The following NEBL variants were observed in gnomAD, a reference collection of about 807,000 sequenced individuals.
NEBL encodes nebulette, also known as LIM and SH3 protein 2.
Under a neutral mutation model 140.2 loss-of-function variants are expected in NEBL, and 122 were observed. The ratio of observed to expected loss-of-function variants is 0.87; its 90% CI spans 0.75 to 1.01. The LOEUF is 1.01. NEBL is among the 50% of genes least tolerant of loss of function. The pLI is 0.00. For synonymous variants in NEBL, 436 were observed against 398.9 expected, an observed-to-expected ratio of 1.09 and a Z score of -1.11; for missense variants, 1,365 against 1,231.3, an observed-to-expected ratio of 1.11 and a Z score of -1.62.
intron 5 of NEBL, among the ~76,000 whole-genome samples, chr10:20,880,331 G>T (rs1345244398): frequency 1.3e-5 from 2 of 152,208 alleles, no homozygotes; most frequent in Non-Finnish European, 2.9e-5. Context: ...CTGCACTCCA[G>T]CCTGGGTGAC....
At chr10:21,008,814 A>T (rs1004685400) in intron 3 of NEBL, among the ~76,000 whole-genome samples, 4 of 152,128 alleles carry the variant, frequency 2.6e-5, no homozygotes, top group Non-Finnish European at 4.4e-5. Flanking sequence ...CAGTTTTCAG[A>T]CATCCACTAG....
At chr10:21,215,231 G>T (rs911950557) in intron 3 of NEBL, among the ~76,000 whole-genome samples, 1 of 152,156 alleles carries the variant, frequency 6.6e-6, no homozygotes, top group Non-Finnish European at 1.5e-5. Flanking sequence ...ATTTCTTGAG[G>T]CCAGGAGTTT....
At chr10:20,988,651 T>C (rs376436100) in intron 3 of NEBL, among the ~76,000 whole-genome samples, 5 of 152,318 alleles carry the variant, frequency 3.3e-5, no homozygotes, top group African/African-American at 1.2e-4. Context: ...CTGTGTCACC[T>C]AGATCCCTGT....
At chr10:20,926,217 T>C (rs952586886) in intron 4 of NEBL, among the ~76,000 whole-genome samples, 2 of 152,328 alleles carry the variant, frequency 1.3e-5, no homozygotes, top group Non-Finnish European at 2.9e-5. Flanking sequence ...ACAGGATTGC[T>C]GCAGATTCAT....
chr10:21,160,315 G>A (rs957252666), intron 2 of NEBL, among the ~76,000 whole-genome samples: 27 of 152,288 alleles, frequency 1.8e-4, no homozygotes, highest in Non-Finnish European at 3.2e-4. Flanking sequence ...CAGCCCTGCA[G>A]GTATATATGA....
rs74416827 is a variant in NEBL at position 21,019,398 on chromosome 10, C to A, written c.249+719G>T. Among the ~76,000 whole-genome samples, 187 of 152,328 alleles carry A rather than the reference C, an allele frequency of 1.2e-3. 1 individual carries two copies. Among genetic ancestry groups the A allele is most frequent in the Non-Finnish European group, 2.0e-3 (137 of 68,026 alleles). On this transcript the variant is annotated intron_variant, in intron 3 of 6. Transcript: ENST00000417816. ...CCTCCACCTTCCTTCTCCCCTCTTC[C>A]GTCCTTACTTCACCACTGACCAATG...
chr10:20,961,372 C>T (rs1269025340), intron 4 of NEBL, among the ~76,000 whole-genome samples: 1 of 152,084 alleles, frequency 6.6e-6, no homozygotes, highest in African/African-American at 2.4e-5. Flanking sequence ...ACAGTCAAAA[C>T]TTAACTTTCA....
intron 2 of NEBL, chr10:21,170,732 G>A (rs1841035006): frequency 6.6e-6 from 1 of 152,578 alleles, no homozygotes; most frequent in African/African-American, 2.4e-5. Context: ...TAAGCACTAA[G>A]GAGTAAGGAA....
At chr10:20,969,584 C>T (rs1215396993) in intron 3 of NEBL, among the ~76,000 whole-genome samples, 2 of 129,196 alleles carry the variant, frequency 1.5e-5, no homozygotes, top group Non-Finnish European at 3.1e-5. Context: ...CTCTCTCTGT[C>T]ACCCAGGTTG....
chr10:20,990,198 A>T (rs914881807), intron 3 of NEBL, among the ~76,000 whole-genome samples: 1 of 152,184 alleles, frequency 6.6e-6, no homozygotes, highest in Non-Finnish European at 1.5e-5. Context: ...TTTTTTCTAA[A>T]TAGCAGCCAA....
At chr10:20,954,631 C>T (rs1324482587) in intron 4 of NEBL, among the ~76,000 whole-genome samples, 1 of 152,200 alleles carries the variant, frequency 6.6e-6, no homozygotes, top group Non-Finnish European at 1.5e-5. Flanking sequence ...CCTGCAAGGC[C>T]AGAGTCCCCT....
At chr10:20,858,490 A>AT in intron 8 of NEBL, 146 bp from the exon 9 acceptor site, 2 of 694,662 alleles carry the variant, frequency 2.9e-6, no homozygotes, top group Non-Finnish European at 5.0e-6. Context: ...GATGGTGCTG[A>AT]TTTACTACTG....
At chr10:20,886,089 G>C (rs548978095) in intron 4 of NEBL, among the ~76,000 whole-genome samples, 1 of 152,132 alleles carries the variant, frequency 6.6e-6, no homozygotes, top group East Asian at 1.9e-4. Flanking sequence ...CCTAGGGGAC[G>C]GGTTCATATT....
rs1249641212 is a variant in NEBL, at chr10:20,783,161, T to A, written c.*2586A>T. On this transcript the variant is annotated 3_prime_UTR_variant, in exon 28 of 28. Coordinates refer to ENST00000377122, the MANE Select transcript of NEBL (RefSeq NM_006393.3). ...GGAAGCACGTGGAAAGTGGAAAAGT[T>A]GTTCAGGCATGTCATTTTTTTTTAA... 6.6e-6 allele frequency: 1 copy of A among 152,400 alleles called. No homozygotes were observed. Among genetic ancestry groups the A allele is most frequent in the Non-Finnish European group, 1.5e-5 (1 of 68,044 alleles). 9.4% of individuals were successfully genotyped at this position (152,400 alleles called of 1,614,324 possible).
At chr10:20,830,845 A>G (rs1213553436) in intron 16 of NEBL, among the ~76,000 whole-genome samples, 1 of 150,388 alleles carries the variant, frequency 6.6e-6, no homozygotes, top group Non-Finnish European at 1.5e-5. Flanking sequence ...TTGAGGCTGC[A>G]GCAAGCTATG....
intron 3 of NEBL, among the ~76,000 whole-genome samples, chr10:21,244,795 G>C (rs1050504540): frequency 2.6e-5 from 4 of 151,982 alleles, no homozygotes; most frequent in African/African-American, 9.7e-5. Context: ...AGGATCACTT[G>C]AGTTTAGAAG....
chr10:20,959,550 T>C (rs1359759363), intron 4 of NEBL, among the ~76,000 whole-genome samples: 1 of 152,126 alleles, frequency 6.6e-6, no homozygotes, highest in Non-Finnish European at 1.5e-5. Context: ...ATGGAAAACC[T>C]AGTGAGGTAA....
Position 20,941,482 on chromosome 10 carries a change from A to G in NEBL, c.357+20190T>C, listed in dbSNP as rs1462359199. On this transcript the variant is annotated intron_variant, in intron 4 of 6. Coordinates refer to the NEBL transcript ENST00000417816. ...ACAAACCCACAGCCAATATCATACC[A>G]AATGGGCAAAAAGTGGAAGCATTCC... Among the ~76,000 whole-genome samples, 36 of 152,258 alleles carry G rather than the reference A, an allele frequency of 2.4e-4. 4 individuals carry two copies. Among genetic ancestry groups the G allele is most frequent in the African/African-American group, 8.2e-4 (34 of 41,540 alleles).
At chr10:20,877,434 G>A (rs1211040107) in intron 5 of NEBL, among the ~76,000 whole-genome samples, 1 of 152,238 alleles carries the variant, frequency 6.6e-6, no homozygotes, top group Admixed American at 6.5e-5. Flanking sequence ...GATAGTGAGG[G>A]TAAGGAAGTC....
Sources: gnomAD v4.1 joint callset for allele counts (sites outside exome capture counted in the v4.1 genomes callset) on GRCh38, gnomAD v4.1.1 for gene constraint, MANE v1.5 for transcripts, NCBI Gene and HGNC (gene_info 2026-07-23, HGNC 2026-07-21) for gene names.